The following VAV2 variants were observed in gnomAD, a reference collection of about 807,000 sequenced individuals.
The protein encoded by VAV2 is guanine nucleotide exchange factor VAV2.
In VAV2, 67 loss-of-function variants were observed where a neutral mutation model predicts 132.5. That is an observed-to-expected ratio of 0.51 (90% CI 0.42 to 0.62). The LOEUF (loss-of-function observed/expected upper bound fraction) is 0.62, where lower values mean the gene tolerates loss of function less well. Among genes scored for constraint, VAV2 ranks in the 20% least tolerant of loss-of-function variants. VAV2 has a pLI of 0.00. For synonymous variants in VAV2, 492 were observed against 443.5 expected, an observed-to-expected ratio of 1.11 and a Z score of -1.37; for missense variants, 938 against 1,153.6, an observed-to-expected ratio of 0.81 and a Z score of 2.71.
chr9:133,905,330 GGAGGCT>G (rs1839606542), intron 2 of VAV2, among the ~76,000 whole-genome samples: 1 of 151,520 alleles, frequency 6.6e-6, no homozygotes, highest in Non-Finnish European at 1.5e-5. Context: ...CAGCTACTCG[GGAGGCT>G]GAGGCAGGAG....
At position 133,769,863 on chromosome 9, in the gene VAV2, C is replaced by G. The variant is rs979233311; in HGVS notation, c.2348-360G>C. ...AGACCCATGGCCCTGCAGGACCCTGCAGGCTGGAGGACGTGGGGTGACTCT... is the reference window on the plus strand; with the variant it reads ...AGACCCATGGCCCTGCAGGACCCTGGAGGCTGGAGGACGTGGGGTGACTCT... On this transcript the variant is annotated intron_variant, in intron 27 of 29. Coordinates refer to ENST00000371850, the MANE Select transcript of VAV2 (RefSeq NM_001134398.2). The surrounding 1 kb of genome is among the most constrained non-coding windows in gnomAD (Gnocchi z 8.1). Among the ~76,000 whole-genome samples the G allele has an allele frequency of 2.0e-5, 3 of 152,230 alleles. No homozygotes were observed. The highest frequency in any genetic ancestry group is 4.4e-5 in the Non-Finnish European group (3 of 68,034).
rs575284527 is a variant in VAV2 at position 133,833,339 on chromosome 9, C to A, written c.449+933G>T. Reference sequence around the variant, plus strand: ...AGGCACTCCCATACACGCAGCTCCCCCTCTTACTCCTCTCCCGGTTGTCAT... The same window carrying A: ...AGGCACTCCCATACACGCAGCTCCCACTCTTACTCCTCTCCCGGTTGTCAT... On this transcript the variant is annotated intron_variant, in intron 4 of 29. Transcript: ENST00000371850. The surrounding 1 kb of genome is among the most constrained non-coding windows in gnomAD (Gnocchi z 5.6). Among the ~76,000 whole-genome samples the A allele has an allele frequency of 6.9e-4, 105 of 152,298 alleles. No homozygotes were observed. The highest frequency in any genetic ancestry group is 2.3e-3 in the African/African-American group (95 of 41,560).
rs1836327787 is a variant in VAV2 at position 133,833,161 on chromosome 9, G to A, written c.449+1111C>T. On this transcript the variant is annotated intron_variant, in intron 4 of 29. Transcript: ENST00000371850. The surrounding 1 kb of genome is among the most constrained non-coding windows in gnomAD (Gnocchi z 5.6). The stretch of plus-strand genomic sequence containing the variant: ...TCACAGAAGTGCATGAGACTGGGCC[G>A]CCAGCGTGGTGCCACATGCTGATAT... Among the ~76,000 whole-genome samples, 1 of 152,198 alleles carries A rather than the reference G, an allele frequency of 6.6e-6. No homozygotes were observed. Among genetic ancestry groups the A allele is most frequent in the South Asian group, 2.1e-4 (1 of 4,830 alleles).
At position 133,768,409 on chromosome 9, in the gene VAV2, C is replaced by T; in HGVS notation, c.2589+33G>A. 1 of 1,605,106 alleles carries T rather than the reference C, an allele frequency of 6.2e-7. No homozygotes were observed. The highest frequency in any genetic ancestry group is 8.5e-7 in the Non-Finnish European group (1 of 1,177,324). On this transcript the variant is annotated intron_variant, in intron 29 of 29. Transcript: ENST00000371850. The surrounding 1 kb of genome is among the most constrained non-coding windows in gnomAD (Gnocchi z 5.3). ...CGACCAGGTAGGGGCTGCAGCGAGGCCAGCCCCACACCCTCAGGGTGGGGC... is the reference window on the plus strand; with the variant it reads ...CGACCAGGTAGGGGCTGCAGCGAGGTCAGCCCCACACCCTCAGGGTGGGGC...
chr9:133,991,927 A>G lies in VAV2; in HGVS notation c.204+148T>C. The stretch of plus-strand genomic sequence containing the variant: ...GTCGCGTCTCGGAGGCCCGGGGCGC[A>G]CCCTCCAGCCGCCCGCCCGCGTCCC... On this transcript the variant is annotated intron_variant, in intron 1 of 29. Transcript: ENST00000371850. The surrounding 1 kb of genome is among the most constrained non-coding windows in gnomAD (Gnocchi z 4.8). 1 of 548,712 alleles carries G rather than the reference A, an allele frequency of 1.8e-6. No individual in the cohort carries two copies. Among genetic ancestry groups the G allele is most frequent in the Non-Finnish European group, 2.4e-6 (1 of 416,584 alleles). 34.0% of individuals were successfully genotyped at this position (548,712 alleles called of 1,614,324 possible).
intron 3 of VAV2, among the ~76,000 whole-genome samples, chr9:133,851,896 G>T (rs993699386): frequency 6.8e-6 from 1 of 147,274 alleles, no homozygotes; most frequent in Non-Finnish European, 1.5e-5. Flanking sequence ...TGCATGGATG[G>T]ATGGATGGAT....
At chr9:133,943,332 C>T (rs2077384) in intron 1 of VAV2, among the ~76,000 whole-genome samples, 111,001 of 152,130 alleles carry the variant, frequency 0.73, 40,681 homozygotes, top group East Asian at 0.81. Context: ...CAGGGGCCCA[C>T]TGAGGACACA....
intron 18 of VAV2, 79 bp from the exon 19 acceptor site, chr9:133,783,670 T>G: frequency 7.4e-7 from 1 of 1,352,964 alleles, no homozygotes; most frequent in Non-Finnish European, 1.1e-6. Context: ...AAGGCCCTTG[T>G]CCCCACCCAG....
At position 133,883,097 on chromosome 9, in the gene VAV2, C is replaced by G. The variant is rs1487969187; in HGVS notation, c.322-21665G>C. 6.6e-6 allele frequency among the ~76,000 whole-genome samples: 1 copy of G among 152,202 alleles called. No individual in the cohort carries two copies. The highest frequency in any genetic ancestry group is 1.5e-5 in the Non-Finnish European group (1 of 68,034). Reference sequence around the variant, plus strand: ...CTCCCCAGGCTCCATCCCTATGTCCCCACCCCCTGCTGCTCTCTCTGGATC... The same window carrying G: ...CTCCCCAGGCTCCATCCCTATGTCCGCACCCCCTGCTGCTCTCTCTGGATC... On this transcript the variant is annotated intron_variant, in intron 2 of 29. Transcript: ENST00000371850. This position sits in a 1 kb window ranked among gnomAD's most constrained non-coding sequence, Gnocchi z 4.2.
intron 1 of VAV2, among the ~76,000 whole-genome samples, chr9:133,967,406 T>C (rs452999): frequency 0.26 from 39,571 of 152,124 alleles, 5,321 homozygotes; most frequent in East Asian, 0.45. Context: ...CCACCAGGCA[T>C]GTAAACAAAA....
chr9:133,814,630 C>CGGACCTGGACAGG (rs1392927365), intron 4 of VAV2, among the ~76,000 whole-genome samples: 1 of 152,236 alleles, frequency 6.6e-6, no homozygotes, highest in Non-Finnish European at 1.5e-5. Flanking sequence ...GGCTGCAAGC[C>CGGACCTGGACAGG]GGACCTGGAC....
chr9:133,834,484 G>T lies in VAV2; in HGVS notation c.381-144C>A. 2.5e-6 allele frequency: 2 copies of T among 812,018 alleles called. No individual in the cohort carries two copies. Among genetic ancestry groups the T allele is most frequent in the Non-Finnish European group, 3.9e-6 (2 of 519,026 alleles). The allele number at this position is 812,018 out of a possible 1,614,324, so 50.3% of individuals were successfully genotyped here. ...TCCACTCTCTGGAAGGACACAGGGTGCGCGGACACTGATCGGAGTCACAGG... is the reference window on the plus strand; with the variant it reads ...TCCACTCTCTGGAAGGACACAGGGTTCGCGGACACTGATCGGAGTCACAGG... On this transcript the variant is annotated intron_variant, in intron 3 of 29. Coordinates refer to ENST00000371850, the MANE Select transcript of VAV2 (RefSeq NM_001134398.2). This position sits in a 1 kb window ranked among gnomAD's most constrained non-coding sequence, Gnocchi z 5.9.
rs931295119 is a variant in VAV2, at chr9:133,788,060, G to T, written c.1407+294C>A. On this transcript the variant is annotated intron_variant, in intron 15 of 29. Coordinates refer to ENST00000371850, the MANE Select transcript of VAV2 (RefSeq NM_001134398.2). This position sits in a 1 kb window ranked among gnomAD's most constrained non-coding sequence, Gnocchi z 5.3. ...CCACCCTCACTAGAGGCCTTGGGGTGGCCTCTCCCCTCTGCCTCAGTCGCC... is the reference window on the plus strand; with the variant it reads ...CCACCCTCACTAGAGGCCTTGGGGTTGCCTCTCCCCTCTGCCTCAGTCGCC... Among the ~76,000 whole-genome samples, 6 of 152,222 alleles carry T rather than the reference G, an allele frequency of 3.9e-5. No homozygotes were observed. Among genetic ancestry groups the T allele is most frequent in the African/African-American group, 1.4e-4 (6 of 41,468 alleles).
At chr9:133,849,214 C>CTATT (rs1435955912) in intron 3 of VAV2, among the ~76,000 whole-genome samples, 1 of 152,204 alleles carries the variant, frequency 6.6e-6, no homozygotes, top group Non-Finnish European at 1.5e-5. Flanking sequence ...ACGCACCATG[C>CTATT]TATTATACTT....
intron 13 of VAV2, among the ~76,000 whole-genome samples, chr9:133,791,489 A>AG (rs961935769): frequency 2.6e-5 from 4 of 152,178 alleles, no homozygotes; most frequent in African/African-American, 9.6e-5. Context: ...TTGGGGGAGA[A>AG]GGGGGGCTGG....
rs1305490612 is a variant in VAV2, at chr9:133,804,176, G to A, written c.836+1905C>T. Among the ~76,000 whole-genome samples the A allele has an allele frequency of 6.6e-6, 1 of 152,204 alleles. No individual in the cohort carries two copies. Among genetic ancestry groups the A allele is most frequent in the Non-Finnish European group, 1.5e-5 (1 of 68,030 alleles). ...GACTCAGCCAGCAAGCAAGAACCAG[G>A]ACCTTGGGGCCGAATCCGAAATGAG... On this transcript the variant is annotated intron_variant, in intron 9 of 29. Transcript: ENST00000371850. This position sits in a 1 kb window ranked among gnomAD's most constrained non-coding sequence, Gnocchi z 4.5.
chr9:133,793,290 G>A (rs1282515785), intron 12 of VAV2, among the ~76,000 whole-genome samples: 3 of 151,986 alleles, frequency 2.0e-5, no homozygotes, highest in South Asian at 4.2e-4. Flanking sequence ...GCAGCGGGTG[G>A]AATTCCCCAA....
At chr9:133,892,827 C>T (rs568349811) in intron 2 of VAV2, among the ~76,000 whole-genome samples, 4 of 152,174 alleles carry the variant, frequency 2.6e-5, no homozygotes, top group Admixed American at 2.6e-4. Flanking sequence ...AAAAGCGGAC[C>T]TGGCCCAGCC....
At chr9:133,894,570 G>A (rs539902842) in intron 2 of VAV2, among the ~76,000 whole-genome samples, 19 of 152,326 alleles carry the variant, frequency 1.2e-4, no homozygotes, top group South Asian at 6.2e-4. Flanking sequence ...GTTGCCCTCT[G>A]TCCAGGGAGG....
Sources: allele counts gnomAD v4.1 joint callset (sites outside exome capture counted in the v4.1 genomes callset), GRCh38; gene constraint gnomAD v4.1.1; non-coding constraint Gnocchi (gnomAD v3.1); transcripts MANE v1.5; gene names NCBI Gene and HGNC (gene_info 2026-07-23, HGNC 2026-07-21).